The following ATP8B2 variants were observed in gnomAD, a reference collection of about 807,000 sequenced individuals.
ATP8B2 encodes ATPase phospholipid transporting 8B2, also known as phospholipid-transporting ATPase ID.
ATP8B2 carries 70 observed loss-of-function variants against 133.4 expected under a neutral mutation model. The observed-to-expected ratio is 0.52, with a 90% CI of 0.43 to 0.64. ATP8B2 has a LOEUF of 0.64. Ranked by LOEUF, ATP8B2 falls within the 30% of genes least tolerant of loss-of-function variation. The pLI is 0.00. For synonymous variants in ATP8B2, 517 were observed against 589.5 expected (o/e 0.88, Z 1.78); for missense variants, 1,101 against 1,535.7 (o/e 0.72, Z 4.73).
intron 11 of ATP8B2, 133 bp from the exon 12 acceptor site, chr1:154,337,215 A>G (rs1052005917): frequency 2.0e-6 from 2 of 991,724 alleles, no homozygotes; most frequent in Non-Finnish European, 2.9e-6. Context: ...TGGCCCAGAG[A>G]CCATGGGTTG....
Position 154,343,971 on chromosome 1 carries a change from G to A in ATP8B2, c.1837G>A (p.Glu613Lys). The change falls in exon 18 of 28, where the codon GAG (glutamate) becomes AAG (lysine). Residue 613 changes from glutamate (E) to lysine (K), a missense_variant. Physicochemically the swap from Glu to Lys is moderately conservative, Grantham distance 56. Coordinates refer to ENST00000368489, the MANE Select transcript of ATP8B2 (RefSeq NM_001370597.1). The surrounding 1 kb of genome is among the most constrained non-coding windows in gnomAD (Gnocchi z 5.8). ...LDEEYYEEWA[E>K]RRLQASLAQD... ...TGAAGAGTACTACGAGGAGTGGGCTGAGCGACGCCTCCAGGCCAGCCTGGC... is the reference window on the plus strand; with the variant it reads ...TGAAGAGTACTACGAGGAGTGGGCTAAGCGACGCCTCCAGGCCAGCCTGGC... 1.2e-6 allele frequency: 2 copies of A among 1,614,064 alleles called. No homozygotes were observed. The highest frequency in any genetic ancestry group is 1.7e-6 in the Non-Finnish European group (2 of 1,179,962).
At position 154,340,785 on chromosome 1, in the gene ATP8B2, G is replaced by C; in HGVS notation, c.1035-69G>C. Reference sequence around the variant, plus strand: ...TCTCCCCAGGCGGAGGGCCTGCAGCGAAGGCCCATGTGGGTGGGGCACCTC... The same window carrying C: ...TCTCCCCAGGCGGAGGGCCTGCAGCCAAGGCCCATGTGGGTGGGGCACCTC... On this transcript the variant is annotated intron_variant, in intron 12 of 27. Transcript: ENST00000368489. The surrounding 1 kb of genome is among the most constrained non-coding windows in gnomAD (Gnocchi z 4.0). 6 of 1,457,442 alleles carry C rather than the reference G, an allele frequency of 4.1e-6. No individual in the cohort carries two copies. The South Asian group carries it at 6.9e-5, about 17-fold the overall frequency. The allele number at this position is 1,457,442 out of a possible 1,614,324, so 90.3% of individuals were successfully genotyped here.
Position 154,334,443 on chromosome 1 carries a change from G to A in ATP8B2, c.749-60G>A. 6.3e-7 allele frequency: 1 copy of A among 1,577,366 alleles called. No individual in the cohort carries two copies. Among genetic ancestry groups the A allele is most frequent in the Non-Finnish European group, 8.7e-7 (1 of 1,148,048 alleles). On this transcript the variant is annotated intron_variant, in intron 10 of 27. Coordinates refer to ENST00000368489, the MANE Select transcript of ATP8B2 (RefSeq NM_001370597.1). This position sits in a 1 kb window ranked among gnomAD's most constrained non-coding sequence, Gnocchi z 4.6. ...GGTGTCCTGCAGTCTGGGGATCAGG[G>A]CAGAAGCCCAGAGGCAGATGTGTTA...
rs967803835 is a variant in ATP8B2, at chr1:154,340,402, G to A, written c.1035-452G>A. On this transcript the variant is annotated intron_variant, in intron 12 of 27. Transcript: ENST00000368489. The surrounding 1 kb of genome is among the most constrained non-coding windows in gnomAD (Gnocchi z 4.0). ...CAAGCCTTCTCCATTTCCCCTCCCC[G>A]GTGCCACCCCTCTTTGAGGTGGCGT... 2.3e-5 allele frequency: 4 copies of A among 172,362 alleles called. No homozygotes were observed. The highest frequency in any genetic ancestry group is 5.5e-5 in the Non-Finnish European group (4 of 73,256). 10.7% of individuals were successfully genotyped at this position (172,362 alleles called of 1,614,324 possible).
Position 154,332,644 on chromosome 1 carries a change from C to T in ATP8B2, c.536C>T (p.Ala179Val), listed in dbSNP as rs1393418645. 3 of 1,589,646 alleles carry T rather than the reference C, an allele frequency of 1.9e-6. No individual in the cohort carries two copies. The highest frequency in any genetic ancestry group is 1.3e-5 in the African/African-American group (1 of 74,558). The change falls in exon 9 of 28, where the codon GCG becomes GTG. Residue 179 changes from alanine to valine, a missense_variant. Ala to Val is a moderately conservative substitution (Grantham distance 64, BLOSUM62 0). Coordinates refer to ENST00000368489, the MANE Select transcript of ATP8B2 (RefSeq NM_001370597.1). ...DGETNMKVRQ[A>V]IPVTSELGDI... ...GAGACCAACATGAAAGTACGTCAGG[C>T]GATTCCAGTCACCTCAGAATTGGGA...
chr1:154,348,145 G>A (rs1274028478), intron 26 of ATP8B2, among the ~76,000 whole-genome samples: 2 of 152,132 alleles, frequency 1.3e-5, no homozygotes, highest in African/African-American at 4.8e-5. Flanking sequence ...TCAGATTTGG[G>A]GAAAGGAAAC....
chr1:154,340,173 C>G lies in ATP8B2; in HGVS notation c.1035-681C>G, dbSNP rs1259677744. The stretch of plus-strand genomic sequence containing the variant: ...CCAGCTTGGGTGACAGAGACCCTAG[C>G]TCAAAAAACAAACAAGCAAACAACA... On this transcript the variant is annotated intron_variant, in intron 12 of 27. Coordinates refer to ENST00000368489, the MANE Select transcript of ATP8B2 (RefSeq NM_001370597.1). This position sits in a 1 kb window ranked among gnomAD's most constrained non-coding sequence, Gnocchi z 4.0. 2.0e-5 allele frequency among the ~76,000 whole-genome samples: 3 copies of G among 152,088 alleles called. No individual in the cohort carries two copies. The East Asian group carries it at 5.8e-4, about 29-fold the overall frequency.
chr1:154,334,271 C>T lies in ATP8B2; in HGVS notation c.748+6C>T, dbSNP rs779724744. ...CGGGCTGGTCATCTTTGCAGGTGAG[C>T]CTCCTAGCATCCAAAGAAAGAAGGG... On this transcript the variant is annotated splice_donor_region_variant and intron_variant, in intron 10 of 27. Transcript: ENST00000368489. The surrounding 1 kb of genome is among the most constrained non-coding windows in gnomAD (Gnocchi z 4.6). 1 of 1,613,150 alleles carries T rather than the reference C, an allele frequency of 6.2e-7. No homozygotes were observed. Among genetic ancestry groups the T allele is most frequent in the African/African-American group, 1.3e-5 (1 of 74,894 alleles).
chr1:154,339,663 AG>A (rs1293878887), intron 12 of ATP8B2, among the ~76,000 whole-genome samples: 1 of 148,674 alleles, frequency 6.7e-6, no homozygotes, highest in African/African-American at 2.4e-5. Context: ...GGAGGCTAAG[AG>A]GGGGTTGAAG....
rs1686125808 is a variant in ATP8B2 at position 154,334,958 on chromosome 1, CAGG to C, written c.837+368_837+370del. ...AAAATTTCCATTTGGAAGAGGTTGG[CAGG>C]GTCTTTTCCCCCCAACTTCTAAGAA... is the stretch of plus-strand genomic sequence containing the variant. On this transcript the variant is annotated intron_variant, in intron 11 of 27. Coordinates refer to ENST00000368489, the MANE Select transcript of ATP8B2 (RefSeq NM_001370597.1). This position sits in a 1 kb window ranked among gnomAD's most constrained non-coding sequence, Gnocchi z 4.6. Among the ~76,000 whole-genome samples the C allele has an allele frequency of 6.6e-6, 1 of 152,148 alleles. No homozygotes were observed. The highest frequency in any genetic ancestry group is 2.4e-5 in the African/African-American group (1 of 41,446).
At position 154,334,603 on chromosome 1, in the gene ATP8B2, C is replaced by T. The variant is rs767701994; in HGVS notation, c.837+12C>T. 1 of 1,611,050 alleles carries T rather than the reference C, an allele frequency of 6.2e-7. No homozygotes were observed. Among genetic ancestry groups the T allele is most frequent in the Non-Finnish European group, 8.5e-7 (1 of 1,177,642 alleles). On this transcript the variant is annotated intron_variant, in intron 11 of 27. Coordinates refer to ENST00000368489, the MANE Select transcript of ATP8B2 (RefSeq NM_001370597.1). This position sits in a 1 kb window ranked among gnomAD's most constrained non-coding sequence, Gnocchi z 4.6. ...CCCTGGTGCTCTGGGTGAGGCGCCCCACATCTGGCTCCCTGCCCCTGCCCT... is the reference window on the plus strand; with the variant it reads ...CCCTGGTGCTCTGGGTGAGGCGCCCTACATCTGGCTCCCTGCCCCTGCCCT...
rs779045640 is a variant in ATP8B2, at chr1:154,342,957, C to T, written c.1449C>T (p.Asn483=). 6.2e-6 allele frequency: 10 copies of T among 1,613,870 alleles called. No individual in the cohort carries two copies. Among genetic ancestry groups the T allele is most frequent in the Non-Finnish European group, 6.8e-6 (8 of 1,179,868 alleles). ...LCHTVMSEEK[N]EGELYYKAQS... The stretch of plus-strand genomic sequence containing the variant: ...ATACTGTCATGTCAGAAGAAAAGAA[C>T]GAAGGTGGGCCGAGGAGCCGGCTCG... Residue 483 remains asparagine, a synonymous_variant, in exon 15 of 28, where the codon AAC becomes AAT. Coordinates refer to ENST00000368489, the MANE Select transcript of ATP8B2 (RefSeq NM_001370597.1).
At position 154,343,191 on chromosome 1, in the gene ATP8B2, G is replaced by A. The variant is rs758569511; in HGVS notation, c.1532G>A (p.Arg511His). 3.1e-6 allele frequency: 5 copies of A among 1,614,032 alleles called. No individual in the cohort carries two copies. The highest frequency in any genetic ancestry group is 2.2e-5 in the East Asian group (1 of 44,874). ...GCCAGGAACTTTGGTTTTGTTTTCC[G>A]CTCTCGCACCCCCAAAACAATCACC... ...TAARNFGFVF[R>H]SRTPKTITVH... Residue 511 changes from arginine to histidine, a missense_variant, in exon 16 of 28, where the codon CGC (arginine) becomes CAC (histidine). Arg to His is a conservative substitution (Grantham distance 29). Coordinates refer to ENST00000368489, the MANE Select transcript of ATP8B2 (RefSeq NM_001370597.1). This position sits in a 1 kb window ranked among gnomAD's most constrained non-coding sequence, Gnocchi z 5.8.
rs1252755428 is a variant in ATP8B2 at position 154,349,221 on chromosome 1, C to T, written c.*103C>T. 7.1e-7 allele frequency: 1 copy of T among 1,413,206 alleles called. No individual in the cohort carries two copies. Among genetic ancestry groups the T allele is most frequent in the African/African-American group, 1.4e-5 (1 of 70,126 alleles). The allele number at this position is 1,413,206 out of a possible 1,614,324, so 87.5% of individuals were successfully genotyped here. A position where few individuals can be genotyped will look rare whatever the true frequency, so the allele number is the denominator to read the frequency against. On this transcript the variant is annotated 3_prime_UTR_variant, in exon 28 of 28. Coordinates refer to ENST00000368489, the MANE Select transcript of ATP8B2 (RefSeq NM_001370597.1). ...ACTGCTGGTCCTCATTCCTTGCTTC[C>T]CGTCCCCCCGGTAGACTCTGTCCTG...
rs191173857 is a variant in ATP8B2 at position 154,339,182 on chromosome 1, T to C, written c.1034+1638T>C. Among the ~76,000 whole-genome samples the C allele has an allele frequency of 9.1e-4, 138 of 152,324 alleles. 1 individual carries two copies. Among genetic ancestry groups the C allele is most frequent in the Non-Finnish European group, 1.6e-3 (109 of 68,030 alleles). ...CAATCTTACTGCTGGTGATAATAAA[T>C]AGAAGATACAGCATTTCTGTGCTGA... On this transcript the variant is annotated intron_variant, in intron 12 of 27. Coordinates refer to ENST00000368489, the MANE Select transcript of ATP8B2 (RefSeq NM_001370597.1).
chr1:154,330,764 T>C (rs751620019), intron 3 of ATP8B2, 51 bp from the exon 4 acceptor site: 1 of 1,492,626 alleles, frequency 6.7e-7, no homozygotes, highest in South Asian at 1.1e-5. Flanking sequence ...CTCAGTCTGG[T>C]TCTGGGTTGG....
chr1:154,330,464 T>C lies in ATP8B2; in HGVS notation c.90+10T>C, dbSNP rs765564496. ...GAAATTCCAGTATGCGGTAAGCGAC[T>C]CTAGACCACCTGTTCCCTCTCTCTG... On this transcript the variant is annotated intron_variant, in intron 3 of 27. Coordinates refer to ENST00000368489, the MANE Select transcript of ATP8B2 (RefSeq NM_001370597.1). 3 of 1,613,214 alleles carry C rather than the reference T, an allele frequency of 1.9e-6. No individual in the cohort carries two copies. The highest frequency in any genetic ancestry group is 1.7e-5 in the Admixed American group (1 of 59,942).
chr1:154,334,596 G>A lies in ATP8B2; in HGVS notation c.837+5G>A. The A allele has an allele frequency of 6.2e-7, 1 of 1,612,686 alleles. No homozygotes were observed. Among genetic ancestry groups the A allele is most frequent in the East Asian group, 2.2e-5 (1 of 44,850 alleles). ...ATGAATACCCTGGTGCTCTGGGTGA[G>A]GCGCCCCACATCTGGCTCCCTGCCC... On this transcript the variant is annotated splice_donor_5th_base_variant and intron_variant, in intron 11 of 27. Transcript: ENST00000368489. The surrounding 1 kb of genome is among the most constrained non-coding windows in gnomAD (Gnocchi z 4.6).
At position 154,345,872 on chromosome 1, in the gene ATP8B2, G is replaced by T; in HGVS notation, c.2767G>T (p.Val923Phe). The T allele has an allele frequency of 6.2e-7, 1 of 1,611,478 alleles. No homozygotes were observed. The highest frequency in any genetic ancestry group is 1.1e-5 in the South Asian group (1 of 91,022). ...YTSLPVLAMGVFDQDVPEQRS... is the reference protein window; with the variant it reads ...YTSLPVLAMGFFDQDVPEQRS... Reference sequence around the variant, plus strand: ...CTCCCTGCCAGTCCTGGCTATGGGGGTCTTTGATCAGGTATGGGGGAGTTT... The same window carrying T: ...CTCCCTGCCAGTCCTGGCTATGGGGTTCTTTGATCAGGTATGGGGGAGTTT... The change falls in exon 24 of 28, where the codon GTC becomes TTC. Residue 923 changes from valine (V) to phenylalanine (F), a missense_variant. Transcript: ENST00000368489. The surrounding 1 kb of genome is among the most constrained non-coding windows in gnomAD (Gnocchi z 5.6).
Sources: allele counts gnomAD v4.1 joint callset (sites outside exome capture counted in the v4.1 genomes callset), GRCh38; gene constraint gnomAD v4.1.1; non-coding constraint Gnocchi (gnomAD v3.1); transcripts MANE v1.5; gene names NCBI Gene and HGNC (gene_info 2026-07-23, HGNC 2026-07-21).